NR1D2: variants seen among roughly 807,000 people sequenced by gnomAD.
NR1D2 encodes the protein V-erbA-related protein 1-related.
NR1D2 carries 25 observed loss-of-function variants against 52.2 expected under a neutral mutation model. The ratio of observed to expected loss-of-function variants is 0.48; its 90% confidence interval spans 0.35 to 0.67. The LOEUF is 0.67. Ranked by LOEUF, NR1D2 falls within the 30% of genes least tolerant of loss-of-function variation. The pLI, the probability that NR1D2 is intolerant of heterozygous loss-of-function variation, is 0.01. For missense variants in NR1D2, 681 were observed against 707.2 expected (o/e 0.96, Z 0.42); for synonymous variants, 259 against 230.1 (o/e 1.13, Z -1.14).
chr3:23,962,720 A>G (rs1706317230), intron 5 of NR1D2, 115 bp downstream of exon 5: 10 of 982,414 alleles, frequency 1.0e-5, no homozygotes, highest in East Asian at 9.8e-5. Flanking sequence ...TAAGAAATTT[A>G]CAGACTTAAT....
At chr3:23,971,449 A>G (rs1706587864) in intron 7 of NR1D2, among the ~76,000 whole-genome samples, 1 of 151,050 alleles carries the variant, frequency 6.6e-6, no homozygotes, top group Non-Finnish European at 1.5e-5. Context: ...TTGTATTTTT[A>G]GTAGAGACAG....
At chr3:23,953,738 T>A (rs530148339) in intron 1 of NR1D2, among the ~76,000 whole-genome samples, 8 of 152,324 alleles carry the variant, frequency 5.3e-5, no homozygotes, top group Non-Finnish European at 1.0e-4. Context: ...AAATGTTACA[T>A]CTGTTCTGGA....
At position 23,964,967 on chromosome 3, in the gene NR1D2, T is replaced by C. The variant is rs1257591603; in HGVS notation, c.1147-10T>C. On this transcript the variant is annotated splice_polypyrimidine_tract_variant and intron_variant, in intron 5 of 7. Coordinates refer to ENST00000312521, the MANE Select transcript of NR1D2 (RefSeq NM_005126.5). ...AGTATTTAAGAGTTTTTCCGTTTTA[T>C]GTATACTAGGTTTGTCCAATGAGTA... 1 of 1,576,116 alleles carries C rather than the reference T, an allele frequency of 6.3e-7. No individual in the cohort carries two copies. Among genetic ancestry groups the C allele is most frequent in the South Asian group, 1.2e-5 (1 of 86,416 alleles).
Position 23,977,395 on chromosome 3 carries a change from C to T in NR1D2, c.1716C>T (p.Leu572=). 1 of 1,603,036 alleles carries T rather than the reference C, an allele frequency of 6.2e-7. No individual in the cohort carries two copies. Among genetic ancestry groups the T allele is most frequent in the South Asian group, 1.1e-5 (1 of 89,592 alleles). ...TAAACAACATGCACTCTGAGGAGCT[C>T]TTGGCCTTTAAAGTTCACCCTTAAG... The part of the protein sequence containing the change: ...RSLNNMHSEE[L]LAFKVHP Residue 572 remains leucine, a synonymous_variant, in exon 8 of 8, where the codon CTC becomes CTT. Coordinates refer to ENST00000312521, the MANE Select transcript of NR1D2 (RefSeq NM_005126.5).
At chr3:23,946,288 C>A (rs1240275588) in intron 1 of NR1D2, 1 of 985,404 alleles carries the variant, frequency 1.0e-6, no homozygotes, top group East Asian at 1.1e-4. Context: ...GCAAACCAAA[C>A]GAACCGGCGC....
At chr3:23,972,925 T>C (rs973968427) in intron 7 of NR1D2, among the ~76,000 whole-genome samples, 1 of 152,226 alleles carries the variant, frequency 6.6e-6, no homozygotes, top group Admixed American at 6.5e-5. Flanking sequence ...GTTTTAGATA[T>C]AGGCATCCAT....
In NR1D2 at chr3:23,977,176, A is replaced by G. The variant is rs749486259; in HGVS notation, c.1544-47A>G. 5.8e-6 allele frequency: 6 copies of G among 1,042,774 alleles called. No individual in the cohort carries two copies. In the African/African-American group the frequency reaches 8.2e-5, roughly 14 times the overall value. 64.6% of individuals were successfully genotyped at this position (1,042,774 alleles called of 1,614,324 possible). Reference sequence around the variant, plus strand: ...AGAATTTTATTTATATTTAATGTTAATAATTTATCCTGTTTTTCCTATTTC... The same window carrying G: ...AGAATTTTATTTATATTTAATGTTAGTAATTTATCCTGTTTTTCCTATTTC... On this transcript the variant is annotated intron_variant, in intron 7 of 7. Coordinates refer to ENST00000312521, the MANE Select transcript of NR1D2 (RefSeq NM_005126.5).
At chr3:23,957,532 T>TA (rs1469603928) in intron 3 of NR1D2, among the ~76,000 whole-genome samples, 1 of 147,414 alleles carries the variant, frequency 6.8e-6, no homozygotes, top group Non-Finnish European at 1.5e-5. Context: ...CTGGCTAACA[T>TA]AGTGAAACCC....
intron 3 of NR1D2, among the ~76,000 whole-genome samples, chr3:23,956,412 A>C (rs987883923): frequency 2.0e-5 from 3 of 152,242 alleles, no homozygotes; most frequent in African/African-American, 7.2e-5. Flanking sequence ...CTCATTCATT[A>C]ATGTGTCAAG....
At chr3:23,967,183 C>T (rs752623536) in intron 6 of NR1D2, among the ~76,000 whole-genome samples, 2 of 151,836 alleles carry the variant, frequency 1.3e-5, no homozygotes, top group African/African-American at 4.8e-5. Context: ...ATCAGCTGGG[C>T]GTGGTGGCGT....
chr3:23,964,942 A>T, intron 5 of NR1D2, 35 bp from the exon 6 acceptor site: 3 of 1,386,136 alleles, frequency 2.2e-6, no homozygotes, highest in Middle Eastern at 1.9e-4. Flanking sequence ...ACCACCTCTT[A>T]GTATTTAAGA....
intron 1 of NR1D2, among the ~76,000 whole-genome samples, chr3:23,949,572 G>A (rs1470166972): frequency 6.6e-6 from 1 of 152,204 alleles, no homozygotes; most frequent in Admixed American, 6.5e-5. Context: ...TAACATAGGT[G>A]TTTCCCCAGT....
chr3:23,958,116 T>C (rs1221713747), intron 3 of NR1D2, among the ~76,000 whole-genome samples: 2 of 152,242 alleles, frequency 1.3e-5, no homozygotes, highest in African/African-American at 4.8e-5. Flanking sequence ...TAAAGGCAGC[T>C]GTTTGTAGCC....
intron 3 of NR1D2, among the ~76,000 whole-genome samples, 197 bp from the exon 4 acceptor site, chr3:23,959,474 A>T (rs755207767): frequency 5.9e-5 from 9 of 152,070 alleles, no homozygotes; most frequent in Non-Finnish European, 1.0e-4. Context: ...GCTTACTCAT[A>T]CCAATAAGAA....
Position 23,979,426 on chromosome 3 carries a change from A to T in NR1D2, c.*2007A>T, listed in dbSNP as rs1176536435. The T allele has an allele frequency of 1.3e-5, 2 of 152,076 alleles. No homozygotes were observed. The highest frequency in any genetic ancestry group is 2.9e-5 in the Non-Finnish European group (2 of 67,930). The allele number at this position is 152,076 out of a possible 1,614,324, so 9.4% of individuals were successfully genotyped here. On this transcript the variant is annotated 3_prime_UTR_variant, in exon 8 of 8. Transcript: ENST00000312521. ...ATGAAAACCTCAAAAGATCATGTTG[A>T]TTCTTAATTTTTGCCTTTTGCATAA...
intron 3 of NR1D2, among the ~76,000 whole-genome samples, chr3:23,958,323 C>G (rs1399383977): frequency 6.6e-6 from 1 of 152,136 alleles, no homozygotes; most frequent in African/African-American, 2.4e-5. Flanking sequence ...TTATAGCTAT[C>G]AAACATATTT....
chr3:23,955,778 A>C (rs1706065196), intron 2 of NR1D2, among the ~76,000 whole-genome samples: 1 of 152,178 alleles, frequency 6.6e-6, no homozygotes, highest in Non-Finnish European at 1.5e-5. Context: ...AGCTGAGATC[A>C]CGCCACTGCG....
rs1158515087 is a variant in NR1D2 at position 23,962,140 on chromosome 3, G to A, written c.681G>A (p.Leu227=). The A allele has an allele frequency of 1.2e-6, 2 of 1,614,170 alleles. No individual in the cohort carries two copies. Among genetic ancestry groups the A allele is most frequent in the Admixed American group, 1.7e-5 (1 of 60,020 alleles). The change falls in exon 5 of 8, where the codon CTG becomes CTA. Residue 227 remains leucine, a synonymous_variant. Transcript: ENST00000312521. ...CAGCCTTGCCAGCCCAGGAACAGCTGCGACCCAAGCCCCAACTGGAGCAAG... is the reference window on the plus strand; with the variant it reads ...CAGCCTTGCCAGCCCAGGAACAGCTACGACCCAAGCCCCAACTGGAGCAAG... ...EQTALPAQEQ[L]RPKPQLEQEN...
intron 1 of NR1D2, chr3:23,946,478 C>T (rs1705716077): frequency 5.4e-6 from 1 of 184,358 alleles, no homozygotes; most frequent in African/African-American, 2.4e-5. Flanking sequence ...GGTAGCACCG[C>T]CCCTGTTAGG....
Sources: gnomAD v4.1 joint callset for allele counts (sites outside exome capture counted in the v4.1 genomes callset) on GRCh38, gnomAD v4.1.1 for gene constraint, MANE v1.5 for transcripts, NCBI Gene and HGNC (gene_info 2026-07-23, HGNC 2026-07-21) for gene names.